The following POF1B variants were observed in gnomAD, a reference collection of about 807,000 sequenced individuals.
The protein encoded by POF1B is POF1B actin binding protein.
POF1B carries 53 observed loss-of-function variants against 55.3 expected under a neutral mutation model. The ratio of observed to expected loss-of-function variants is 0.96; its 90% confidence interval spans 0.77 to 1.20. The LOEUF (loss-of-function observed/expected upper bound fraction) is 1.20. POF1B is among the 50% of genes most tolerant of loss of function. The pLI is 0.00. For missense variants in POF1B, 478 were observed against 420.5 expected (o/e 1.14, Z -1.20); for synonymous variants, 188 against 148.3 (o/e 1.27, Z -1.95).
At chrX:85,335,996 A>G (rs1000464162) in intron 6 of POF1B, among the ~76,000 whole-genome samples, 1 of 108,125 alleles carries the variant, frequency 9.2e-6, no homozygotes, top group African/African-American at 3.4e-5. Flanking sequence ...ATACTCTCTC[A>G]CCCCCGCCCC....
At chrX:85,281,097 C>T (rs752465699) in intron 16 of POF1B, among the ~76,000 whole-genome samples, 9 of 110,247 alleles carry the variant, frequency 8.2e-5, no homozygotes, top group Non-Finnish European at 1.7e-4. Flanking sequence ...TATAGTTGGC[C>T]CTTGGTATTC....
chrX:85,305,567 A>G (rs1258320758), intron 13 of POF1B, among the ~76,000 whole-genome samples: 2 of 111,882 alleles, frequency 1.8e-5, no homozygotes, highest in African/African-American at 6.5e-5. Flanking sequence ...ACTGAAATGA[A>G]TATCTTCTTT....
At chrX:85,342,593 T>C (rs1432987221) in intron 6 of POF1B, among the ~76,000 whole-genome samples, 1 of 111,796 alleles carries the variant, frequency 8.9e-6, no homozygotes, top group Non-Finnish European at 1.9e-5. Flanking sequence ...CTAAGTCTAT[T>C]GCTGAAGGTC....
At chrX:85,296,201 A>G (rs1382047389) in intron 15 of POF1B, among the ~76,000 whole-genome samples, 1 of 111,518 alleles carries the variant, frequency 9.0e-6, no homozygotes, top group Non-Finnish European at 1.9e-5. Context: ...TTACCACTCT[A>G]TGTCTTTTAA....
intron 7 of POF1B, among the ~76,000 whole-genome samples, chrX:85,322,407 C>A (rs1319943017): frequency 2.7e-5 from 3 of 111,391 alleles, no homozygotes; most frequent in African/African-American, 9.9e-5. Flanking sequence ...AAAGCTGAAA[C>A]TGGATCCCTT....
chrX:85,374,611 C>T (rs1425064138), intron 2 of POF1B, among the ~76,000 whole-genome samples: 1 of 111,980 alleles, frequency 8.9e-6, no homozygotes, highest in Non-Finnish European at 1.9e-5. Flanking sequence ...TTTGTGTATG[C>T]TCCTGTTACT....
chrX:85,379,480 C>T lies in POF1B; in HGVS notation c.-26G>A, dbSNP rs777066434. On this transcript the variant is annotated 5_prime_UTR_variant, in exon 2 of 17. Coordinates refer to ENST00000262753, the MANE Select transcript of POF1B (RefSeq NM_024921.4). ...CTTCTTCCAGTGGTCAGCAAGGGAC[C>T]TCCCAGATGTTCTACCTAAGGAACA... 1.3e-5 allele frequency: 15 copies of T among 1,199,077 alleles called. No individual in the cohort carries two copies. Among genetic ancestry groups the T allele is most frequent in the Middle Eastern group, 3.2e-4 (1 of 3,139 alleles).
intron 4 of POF1B, among the ~76,000 whole-genome samples, chrX:85,356,362 C>T (rs914458826): frequency 1.1e-4 from 12 of 108,939 alleles, no homozygotes; most frequent in African/African-American, 3.0e-4. Flanking sequence ...TGTTAAATGA[C>T]GAGTTAATGT....
intron 7 of POF1B, among the ~76,000 whole-genome samples, chrX:85,327,998 G>A (rs943462625): frequency 2.7e-5 from 3 of 110,445 alleles, no homozygotes; most frequent in Admixed American, 1.9e-4. Context: ...AATATGAAAA[G>A]TGGATACAAA....
At chrX:85,313,812 T>C (rs1295552624) in intron 9 of POF1B, among the ~76,000 whole-genome samples, 2 of 110,761 alleles carry the variant, frequency 1.8e-5, no homozygotes, top group Non-Finnish European at 3.8e-5. Context: ...TCCTGGGCTT[T>C]TTCTTTTCTT....
At chrX:85,341,586 G>A (rs781301109) in intron 6 of POF1B, among the ~76,000 whole-genome samples, 2 of 110,330 alleles carry the variant, frequency 1.8e-5, no homozygotes, top group African/African-American at 6.6e-5. Context: ...ATTTGTGGGA[G>A]CAACAGCAGG....
intron 15 of POF1B, among the ~76,000 whole-genome samples, chrX:85,299,415 A>G (rs1342364843): frequency 2.9e-5 from 3 of 105,202 alleles, no homozygotes; most frequent in Admixed American, 1.0e-4. Context: ...CAGCCTCCCG[A>G]GTAGCTGGGA....
chrX:85,374,559 T>C (rs1272543385), intron 2 of POF1B, among the ~76,000 whole-genome samples: 3 of 112,584 alleles, frequency 2.7e-5, no homozygotes, highest in Non-Finnish European at 5.6e-5. Context: ...ACATAAAGAC[T>C]AATATACAGT....
intron 7 of POF1B, among the ~76,000 whole-genome samples, chrX:85,325,439 T>C (rs1480088349): frequency 8.9e-6 from 1 of 111,992 alleles, no homozygotes; most frequent in Non-Finnish European, 1.9e-5. Flanking sequence ...AGCTCTGAGA[T>C]TTTTTGCCCA....
chrX:85,363,848 T>A (rs1008909035), intron 3 of POF1B, among the ~76,000 whole-genome samples: 1 of 111,500 alleles, frequency 9.0e-6, no homozygotes, highest in Non-Finnish European at 1.9e-5. Context: ...CAGTGGAGTG[T>A]TGATGTCTCC....
chrX:85,334,637 C>G (rs927099141), intron 6 of POF1B, among the ~76,000 whole-genome samples: 2 of 110,692 alleles, frequency 1.8e-5, no homozygotes, highest in African/African-American at 3.3e-5. Flanking sequence ...AAGTGTGCAA[C>G]CAGAGGCAAA....
chrX:85,361,593 T>G (rs945298599), intron 3 of POF1B, among the ~76,000 whole-genome samples: 1 of 111,750 alleles, frequency 8.9e-6, no homozygotes, highest in Non-Finnish European at 1.9e-5. Flanking sequence ...ACCAGTACCA[T>G]GCTGTTTTGG....
At chrX:85,340,923 CA>C (rs1490121450) in intron 6 of POF1B, among the ~76,000 whole-genome samples, 1 of 110,854 alleles carries the variant, frequency 9.0e-6, no homozygotes, top group African/African-American at 3.3e-5. Flanking sequence ...TTAACACCAG[CA>C]AAAAGTTGTG....
intron 15 of POF1B, among the ~76,000 whole-genome samples, chrX:85,290,289 T>G (rs891652446): frequency 3.1e-4 from 27 of 86,539 alleles, no homozygotes; most frequent in Non-Finnish European, 6.2e-4. Context: ...AAGACATGAT[T>G]TTTTTTTTAT....
Sources: allele counts gnomAD v4.1 joint callset (sites outside exome capture counted in the v4.1 genomes callset), GRCh38; gene constraint gnomAD v4.1.1; transcripts MANE v1.5; gene names NCBI Gene and HGNC (gene_info 2026-07-23, HGNC 2026-07-21).